The following FUT9 variants were observed in gnomAD, a reference collection of about 807,000 sequenced individuals.
FUT9 encodes fucosyltransferase 9.
FUT9 carries 15 observed loss-of-function variants against 29.7 expected under a neutral mutation model. That is an observed-to-expected ratio of 0.51 (90% CI 0.34 to 0.78). FUT9 has a LOEUF of 0.78. Among genes scored for constraint, FUT9 ranks in the 30% least tolerant of loss-of-function variants. The pLI, the probability that FUT9 is intolerant of heterozygous loss-of-function variation, is 0.01. For synonymous variants in FUT9, 169 were observed against 153.7 expected (o/e 1.10, Z -0.74); for missense variants, 319 against 425.4 (o/e 0.75, Z 2.20).
At position 96,207,601 on chromosome 6, in the gene FUT9, T is replaced by A. The variant is rs1360616664; in HGVS notation, c.*3366T>A. 1 of 166,968 alleles carries A rather than the reference T, an allele frequency of 6.0e-6. No homozygotes were observed. Among genetic ancestry groups the A allele is most frequent in the South Asian group, 2.1e-4 (1 of 4,830 alleles). The allele number at this position is 166,968 out of a possible 1,614,324, so 10.3% of individuals were successfully genotyped here. Reference sequence around the variant, plus strand: ...ACAGCCACTCCTTTAATAAATCCTGTGGGTTGCAATTCTTTGTAAGAAACT... The same window carrying A: ...ACAGCCACTCCTTTAATAAATCCTGAGGGTTGCAATTCTTTGTAAGAAACT... On this transcript the variant is annotated 3_prime_UTR_variant, in exon 3 of 3. Transcript: ENST00000302103.
chr6:96,198,034 G>A (rs141090274), intron 2 of FUT9, among the ~76,000 whole-genome samples: 1 of 152,000 alleles, frequency 6.6e-6, no homozygotes, highest in Non-Finnish European at 1.5e-5. Context: ...ATCTGTGGTT[G>A]GAGAATTACA....
chr6:96,155,264 G>GT (rs1264983253), intron 2 of FUT9, among the ~76,000 whole-genome samples: 2 of 152,164 alleles, frequency 1.3e-5, no homozygotes, highest in Non-Finnish European at 2.9e-5. Context: ...AAGATTTATT[G>GT]TAAAAGGTCT....
intron 1 of FUT9, among the ~76,000 whole-genome samples, chr6:96,084,284 T>C (rs1165230004): frequency 6.6e-6 from 1 of 152,106 alleles, no homozygotes; most frequent in African/African-American, 2.4e-5. Context: ...AGAGAAGATC[T>C]TAAATTTCCT....
chr6:96,081,684 A>C (rs893678537), intron 1 of FUT9, among the ~76,000 whole-genome samples: 1 of 151,864 alleles, frequency 6.6e-6, no homozygotes, highest in Non-Finnish European at 1.5e-5. Context: ...TCTACAAAGT[A>C]CATATTTAGA....
intron 1 of FUT9, among the ~76,000 whole-genome samples, chr6:96,096,063 A>G (rs1034550219): frequency 6.6e-6 from 1 of 152,128 alleles, no homozygotes; most frequent in Non-Finnish European, 1.5e-5. Context: ...CATATATCCA[A>G]CTACCTATAC....
At chr6:96,129,026 G>A (rs567223015) in intron 2 of FUT9, among the ~76,000 whole-genome samples, 2 of 151,614 alleles carry the variant, frequency 1.3e-5, no homozygotes, top group East Asian at 3.9e-4. Context: ...GGGAGGCCGA[G>A]GCGGGCGGAT....
chr6:96,055,703 C>CTT (rs760829368), intron 1 of FUT9, among the ~76,000 whole-genome samples: 8 of 103,624 alleles, frequency 7.7e-5, no homozygotes, highest in African/African-American at 1.8e-4. Context: ...TTTTCTATTT[C>CTT]TTTTTCTTTT....
chr6:96,135,383 G>GA (rs1772327784), intron 2 of FUT9, among the ~76,000 whole-genome samples: 1 of 151,864 alleles, frequency 6.6e-6, no homozygotes. Context: ...ATTGGAATTA[G>GA]AAATGAATGA....
intron 1 of FUT9, chr6:96,037,105 A>C (rs1056914575): frequency 1.3e-5 from 2 of 152,052 alleles, no homozygotes; most frequent in Non-Finnish European, 2.9e-5. Context: ...GAGTCCCAAG[A>C]AATAAATGCA....
In FUT9 at chr6:96,203,074, A is replaced by G. The variant is rs142014341; in HGVS notation, c.-8-74A>G. On this transcript the variant is annotated intron_variant, in intron 2 of 2. Transcript: ENST00000302103. Reference sequence around the variant, plus strand: ...TTATCTCATATTTATGATTTTAAATATATCTCCAATATATTTATGATTTTC... The same window carrying G: ...TTATCTCATATTTATGATTTTAAATGTATCTCCAATATATTTATGATTTTC... 802 of 1,087,970 alleles carry G rather than the reference A, an allele frequency of 7.4e-4. 3 individuals carry two copies. The African/African-American group carries it at 0.011, about 15-fold the overall frequency. The allele number at this position is 1,087,970 out of a possible 1,614,324, so 67.4% of individuals were successfully genotyped here. A position where few individuals can be genotyped will look rare whatever the true frequency, so the allele number is the denominator to read the frequency against.
chr6:96,055,976 T>C (rs1200921306), intron 1 of FUT9, among the ~76,000 whole-genome samples: 1 of 152,040 alleles, frequency 6.6e-6, no homozygotes, highest in Non-Finnish European at 1.5e-5. Flanking sequence ...AAAATAATAT[T>C]TGAAGTAGTA....
chr6:96,177,781 A>C (rs1222763397), intron 2 of FUT9, among the ~76,000 whole-genome samples: 1 of 152,288 alleles, frequency 6.6e-6, no homozygotes, highest in Admixed American at 6.5e-5. Flanking sequence ...CAATCCTATA[A>C]GGTATTAAAA....
rs1335615813 is a variant in FUT9, at chr6:96,207,982, A to G, written c.*3747A>G. 1 of 166,906 alleles carries G rather than the reference A, an allele frequency of 6.0e-6. No homozygotes were observed. The highest frequency in any genetic ancestry group is 1.5e-5 in the Non-Finnish European group (1 of 68,012). The allele number at this position is 166,906 out of a possible 1,614,324, so 10.3% of individuals were successfully genotyped here. On this transcript the variant is annotated 3_prime_UTR_variant, in exon 3 of 3. Transcript: ENST00000302103. Reference sequence around the variant, plus strand: ...CAATATGAAGTAGAAACTGAAAAAAAAAATCATCTTAGTGGGAAACAAATA... The same window carrying G: ...CAATATGAAGTAGAAACTGAAAAAAGAAATCATCTTAGTGGGAAACAAATA...
intron 2 of FUT9, among the ~76,000 whole-genome samples, chr6:96,141,832 C>G (rs745707350): frequency 7.2e-5 from 11 of 152,122 alleles, no homozygotes; most frequent in Non-Finnish European, 1.3e-4. Flanking sequence ...CTGGCTGTTG[C>G]CTTTGAGATT....
intron 1 of FUT9, among the ~76,000 whole-genome samples, chr6:96,040,857 A>T (rs1255518499): frequency 1.3e-5 from 2 of 152,070 alleles, no homozygotes; most frequent in Non-Finnish European, 2.9e-5. Flanking sequence ...ATGTTATAGC[A>T]GTTTCTTTGT....
At chr6:96,118,584 C>A (rs1771959068) in intron 2 of FUT9, among the ~76,000 whole-genome samples, 1 of 152,126 alleles carries the variant, frequency 6.6e-6, no homozygotes, top group Non-Finnish European at 1.5e-5. Context: ...TGATAATAAA[C>A]AATTATGTTA....
chr6:96,184,118 A>G (rs1247470793), intron 2 of FUT9, among the ~76,000 whole-genome samples: 1 of 151,840 alleles, frequency 6.6e-6, no homozygotes, highest in Non-Finnish European at 1.5e-5. Context: ...TACCATTTCA[A>G]TCTCACTGCT....
intron 1 of FUT9, among the ~76,000 whole-genome samples, chr6:96,029,507 T>C (rs1020986249): frequency 7.3e-5 from 11 of 151,598 alleles, no homozygotes; most frequent in African/African-American, 2.4e-4. Context: ...GTGAAGTCTT[T>C]GGCATCCTGA....
Position 96,145,042 on chromosome 6 carries a change from ATTCT to A in FUT9, c.-9+30918_-9+30921del, listed in dbSNP as rs200461361. 7.2e-4 allele frequency among the ~76,000 whole-genome samples: 109 copies of A among 151,938 alleles called. 3 individuals are homozygous for A. The East Asian group carries it at 0.018, about 26-fold the overall frequency. On this transcript the variant is annotated intron_variant, in intron 2 of 2. Coordinates refer to ENST00000302103, the MANE Select transcript of FUT9 (RefSeq NM_006581.4). The stretch of plus-strand genomic sequence containing the variant: ...ACATCCTTTTTGTCTTATTATTATT[ATTCT>A]TTATTATTTATTTATTTGTTTGTTT...
Sources: allele counts gnomAD v4.1 joint callset (sites outside exome capture counted in the v4.1 genomes callset), GRCh38; gene constraint gnomAD v4.1.1; transcripts MANE v1.5; gene names NCBI Gene and HGNC (gene_info 2026-07-23, HGNC 2026-07-21).